Variants in EPHA3 observed in about 807,000 individuals in gnomAD.
EPHA3 encodes the protein EPH receptor A3.
Under a neutral mutation model 107.1 loss-of-function variants are expected in EPHA3, and 42 were observed. The ratio of observed to expected loss-of-function variants is 0.39; its 90% CI spans 0.31 to 0.51. The LOEUF is 0.51. Among genes scored for constraint, EPHA3 ranks in the 20% least tolerant of loss-of-function variants. The pLI, the probability that EPHA3 is intolerant of heterozygous loss-of-function variation, is 0.78. For missense variants in EPHA3, 1,183 were observed against 1,211.2 expected (o/e 0.98, Z 0.35); for synonymous variants, 461 against 424.8 (o/e 1.09, Z -1.05).
intron 15 of EPHA3, among the ~76,000 whole-genome samples, chr3:89,455,446 G>T: frequency 6.6e-6 from 1 of 152,164 alleles, no homozygotes; most frequent in East Asian, 1.9e-4. Flanking sequence ...AACCTAAGGA[G>T]GTAAACAGAA....
At chr3:89,342,195 C>T in intron 5 of EPHA3, 105 bp downstream of exon 5, 1 of 1,040,452 alleles carries the variant, frequency 9.6e-7, no homozygotes, top group Non-Finnish European at 1.4e-6. Flanking sequence ...TTTTATAGAA[C>T]CCCAGGATTT....
intron 3 of EPHA3, among the ~76,000 whole-genome samples, chr3:89,252,427 G>C (rs1705185155): frequency 6.6e-6 from 1 of 152,146 alleles, no homozygotes; most frequent in African/African-American, 2.4e-5. Flanking sequence ...TTTACTAGTT[G>C]CTTCTTCAGC....
rs776245552 is a variant in EPHA3, at chr3:89,395,791, A to G, written c.1307-46A>G. ...TCTTATTCGCCACCCTTTCTAACCCATTAATTTGCTTCCTTCCACCTTCCC... is the reference window on the plus strand; with the variant it reads ...TCTTATTCGCCACCCTTTCTAACCCGTTAATTTGCTTCCTTCCACCTTCCC... On this transcript the variant is annotated intron_variant, in intron 5 of 16. Transcript: ENST00000336596. The G allele has an allele frequency of 2.5e-6, 4 of 1,608,686 alleles. No homozygotes were observed. The Admixed American group carries it at 5.0e-5, about 20-fold the overall frequency.
intron 2 of EPHA3, among the ~76,000 whole-genome samples, chr3:89,192,239 T>TAA (rs1705735338): frequency 6.6e-6 from 1 of 152,118 alleles, no homozygotes; most frequent in Non-Finnish European, 1.5e-5. Flanking sequence ...AGGTATAATA[T>TAA]TTTGTTCTAG....
At chr3:89,136,330 C>CTTTTTTTTTTTT (rs67054298) in intron 2 of EPHA3, among the ~76,000 whole-genome samples, 1,925 of 23,396 alleles carry the variant, frequency 0.082, 652 homozygotes, top group Non-Finnish European at 0.12. Context: ...ATCTTACAGG[C>CTTTTTTTTTTTT]TTTTTTTTTT....
intron 5 of EPHA3, among the ~76,000 whole-genome samples, chr3:89,378,572 A>G (rs2107481063): frequency 6.6e-6 from 1 of 152,312 alleles, no homozygotes; most frequent in Middle Eastern, 3.4e-3. Context: ...TCCACACATT[A>G]GGTAAAATGT....
intron 2 of EPHA3, among the ~76,000 whole-genome samples, chr3:89,195,801 C>G (rs935021556): frequency 7.9e-5 from 12 of 152,258 alleles, no homozygotes; most frequent in African/African-American, 2.9e-4. Context: ...CTAGCCCATC[C>G]TAAACACTCT....
intron 10 of EPHA3, 62 bp from the exon 11 acceptor site, chr3:89,419,143 T>G: frequency 6.8e-7 from 1 of 1,470,138 alleles, no homozygotes; most frequent in Non-Finnish European, 9.1e-7. Flanking sequence ...ACAGTTGCTC[T>G]CTACTGATGA....
chr3:89,269,903 TAG>T (rs1705626719), intron 3 of EPHA3, among the ~76,000 whole-genome samples: 1 of 151,812 alleles, frequency 6.6e-6, no homozygotes, highest in Admixed American at 6.6e-5. Flanking sequence ...GTTCAGAAGA[TAG>T]AGTCTAAATT....
At chr3:89,440,637 T>A (rs1160107370) in intron 13 of EPHA3, among the ~76,000 whole-genome samples, 1 of 152,196 alleles carries the variant, frequency 6.6e-6, no homozygotes, top group East Asian at 1.9e-4. Context: ...GGAACTGAAT[T>A]GCAGAATCTT....
intron 3 of EPHA3, among the ~76,000 whole-genome samples, chr3:89,274,234 G>A (rs962774141): frequency 6.6e-6 from 1 of 151,812 alleles, no homozygotes; most frequent in African/African-American, 2.4e-5. Context: ...CTTTGTACCA[G>A]CCTCAACAAT....
intron 13 of EPHA3, among the ~76,000 whole-genome samples, chr3:89,441,888 GC>G (rs1223400757): frequency 6.6e-6 from 1 of 152,066 alleles, no homozygotes; most frequent in Non-Finnish European, 1.5e-5. Context: ...AAAATTTATT[GC>G]CCCAGCTTCT....
chr3:89,437,769 C>T (rs1709702634), intron 13 of EPHA3, among the ~76,000 whole-genome samples: 1 of 152,124 alleles, frequency 6.6e-6, no homozygotes, highest in Non-Finnish European at 1.5e-5. Flanking sequence ...ACTGAAAGCA[C>T]AGACTTTTAT....
At chr3:89,242,391 A>G (rs1198760636) in intron 3 of EPHA3, among the ~76,000 whole-genome samples, 2 of 152,086 alleles carry the variant, frequency 1.3e-5, no homozygotes, top group Non-Finnish European at 2.9e-5. Context: ...ACTGCAACAT[A>G]ATGTTTTAGT....
intron 3 of EPHA3, among the ~76,000 whole-genome samples, chr3:89,238,849 C>A (rs1704830449): frequency 6.6e-6 from 1 of 152,094 alleles, no homozygotes; most frequent in African/African-American, 2.4e-5. Flanking sequence ...ATAAACTATA[C>A]TGTGGACTTG....
At chr3:89,450,129 C>A in intron 14 of EPHA3, 48 bp from the exon 15 acceptor site, 1 of 1,473,470 alleles carries the variant, frequency 6.8e-7, no homozygotes, top group Non-Finnish European at 9.1e-7. Context: ...AACTAAGTGA[C>A]ACTTCCTGAA....
chr3:89,269,982 G>T lies in EPHA3; in HGVS notation c.814+59462G>T, dbSNP rs528966669. Among the ~76,000 whole-genome samples, 7 of 151,774 alleles carry T rather than the reference G, an allele frequency of 4.6e-5. No homozygotes were observed. The South Asian group carries it at 1.5e-3, about 32-fold the overall frequency. ...GGCTTCAAATCACTGGTCTTTCAGG[G>T]TCTGAGTTGGGTTATCTTTAGAATA... is the stretch of plus-strand genomic sequence containing the variant. On this transcript the variant is annotated intron_variant, in intron 3 of 16. Transcript: ENST00000336596.
At chr3:89,192,822 A>T (rs1219815317) in intron 2 of EPHA3, among the ~76,000 whole-genome samples, 1 of 152,096 alleles carries the variant, frequency 6.6e-6, no homozygotes, top group Admixed American at 6.5e-5. Flanking sequence ...TAAAATAAGG[A>T]GCCATCCTGC....
intron 2 of EPHA3, among the ~76,000 whole-genome samples, chr3:89,199,938 C>T (rs185370221): frequency 1.1e-4 from 17 of 152,296 alleles, no homozygotes; most frequent in South Asian, 4.1e-4. Flanking sequence ...AGGGCGCTTA[C>T]TTGGTTTTAG....
Sources: gnomAD v4.1 joint callset for allele counts (sites outside exome capture counted in the v4.1 genomes callset) on GRCh38, gnomAD v4.1.1 for gene constraint, MANE v1.5 for transcripts, NCBI Gene and HGNC (gene_info 2026-07-23, HGNC 2026-07-21) for gene names.